The following APBB2 variants were observed in gnomAD, a reference collection of about 807,000 sequenced individuals.
APBB2 encodes Fe65-like 1.
In APBB2, 38 loss-of-function variants were observed where a neutral mutation model predicts 82.5. The ratio of observed to expected loss-of-function variants is 0.46; its 90% CI spans 0.36 to 0.60. APBB2 has a LOEUF of 0.60. Ranked by LOEUF, APBB2 falls within the 20% of genes least tolerant of loss-of-function variation. APBB2 has a pLI of 0.00. For missense variants in APBB2, 772 were observed against 972.3 expected (o/e 0.79, Z 2.74); for synonymous variants, 341 against 368.2 (o/e 0.93, Z 0.85).
chr4:41,002,838 T>C (rs1306588456), intron 6 of APBB2, among the ~76,000 whole-genome samples: 3 of 152,242 alleles, frequency 2.0e-5, no homozygotes, highest in Admixed American at 2.0e-4. Context: ...TATGGCATCA[T>C]ATTGCCTTTG....
chr4:41,149,854 A>C (rs1345729576), intron 1 of APBB2, among the ~76,000 whole-genome samples: 1 of 151,742 alleles, frequency 6.6e-6, no homozygotes, highest in East Asian at 1.9e-4. Context: ...ATAAAGAGCA[A>C]TTCCCCTGCA....
chr4:40,988,642 A>G (rs1243386191), intron 6 of APBB2, among the ~76,000 whole-genome samples: 1 of 87,148 alleles, frequency 1.1e-5, no homozygotes, highest in Non-Finnish European at 2.2e-5. Context: ...CGTCTCAAAA[A>G]AAAAAAAAAA....
At chr4:41,103,479 T>C (rs1460691166) in intron 2 of APBB2, among the ~76,000 whole-genome samples, 1 of 152,186 alleles carries the variant, frequency 6.6e-6, no homozygotes, top group Non-Finnish European at 1.5e-5. Flanking sequence ...CTCTTATAAA[T>C]AATTTTTAAA....
intron 12 of APBB2, among the ~76,000 whole-genome samples, chr4:40,873,071 G>C (rs2154341637): frequency 7.0e-6 from 1 of 143,206 alleles, no homozygotes; most frequent in African/African-American, 2.6e-5. Context: ...CTGGGCGACA[G>C]AGTGAGACTC....
intron 6 of APBB2, among the ~76,000 whole-genome samples, chr4:40,960,793 A>G (rs1041258796): frequency 6.6e-6 from 1 of 152,052 alleles, no homozygotes; most frequent in Non-Finnish European, 1.5e-5. Flanking sequence ...GTTCATCAAC[A>G]GCCAGTCTTT....
intron 6 of APBB2, among the ~76,000 whole-genome samples, chr4:40,945,304 C>A (rs979721584): frequency 6.6e-6 from 1 of 152,152 alleles, no homozygotes; most frequent in Non-Finnish European, 1.5e-5. Flanking sequence ...CACCTGAGAA[C>A]AGGGACACAA....
At chr4:40,968,108 C>T (rs2154396914) in intron 6 of APBB2, among the ~76,000 whole-genome samples, 1 of 152,344 alleles carries the variant, frequency 6.6e-6, no homozygotes, top group Non-Finnish European at 1.5e-5. Flanking sequence ...GTTCTAAGCA[C>T]TTACTGTGTA....
intron 17 of APBB2, among the ~76,000 whole-genome samples, chr4:40,816,885 A>G (rs1474823767): frequency 1.3e-5 from 2 of 152,258 alleles, no homozygotes; most frequent in Non-Finnish European, 2.9e-5. Context: ...TTAATTAAAA[A>G]GATGAGGTAT....
At chr4:41,085,782 T>C (rs959311928) in intron 3 of APBB2, among the ~76,000 whole-genome samples, 2 of 152,090 alleles carry the variant, frequency 1.3e-5, no homozygotes, top group Non-Finnish European at 2.9e-5. Flanking sequence ...GCCTTTTTCA[T>C]TGCCAAACTA....
intron 1 of APBB2, among the ~76,000 whole-genome samples, chr4:41,198,319 A>G: frequency 6.6e-6 from 1 of 152,232 alleles, no homozygotes; most frequent in African/African-American, 2.4e-5. Flanking sequence ...GCCTGGGCCA[A>G]CATGTACACT....
rs1491163453 is a variant in APBB2, at chr4:41,159,964, A to AAGG, written c.-416-16823_-416-16822insCCT. ...GGAGGAGAAGGAGAAGGAGAAGGAG[A>AAGG]AGAAGAAGAAGAAGAAGAAGAAGAA... On this transcript the variant is annotated intron_variant, in intron 1 of 17. Coordinates refer to ENST00000508593, the MANE Select transcript of APBB2 (RefSeq NM_004307.2). 3.9e-3 allele frequency among the ~76,000 whole-genome samples: 230 copies of AAGG among 58,418 alleles called. 2 individuals are homozygous for AAGG. The highest frequency in any genetic ancestry group is 9.8e-3 in the African/African-American group (127 of 12,922). The allele number at this position is 58,418 out of a possible 152,430, so 38.3% of individuals were successfully genotyped here.
intron 4 of APBB2, among the ~76,000 whole-genome samples, chr4:41,060,995 G>A (rs1729615685): frequency 6.6e-6 from 1 of 152,104 alleles, no homozygotes; most frequent in African/African-American, 2.4e-5. Context: ...CAAATACCAG[G>A]GTGACCTTTT....
Position 40,861,125 on chromosome 4 carries a change from C to T in APBB2, c.1529+29239G>A, listed in dbSNP as rs182096050. The stretch of plus-strand genomic sequence containing the variant: ...CAGCATTTTGGGAGGCCGAGGTGGG[C>T]GGATCACTTGAGGCCAGGAGTTCGA... On this transcript the variant is annotated intron_variant, in intron 12 of 17. Transcript: ENST00000508593. Among the ~76,000 whole-genome samples the T allele has an allele frequency of 3.2e-3, 483 of 151,654 alleles. 8 individuals are homozygous for T. Among genetic ancestry groups the T allele is most frequent in the Admixed American group, 0.022 (329 of 15,226 alleles).
intron 4 of APBB2, among the ~76,000 whole-genome samples, chr4:41,049,177 G>C (rs1295947773): frequency 4.0e-5 from 6 of 149,826 alleles, no homozygotes; most frequent in African/African-American, 1.5e-4. Context: ...TCTGAGATGT[G>C]GGGAGCGCCT....
At chr4:40,950,269 A>G (rs13130553) in intron 6 of APBB2, among the ~76,000 whole-genome samples, 26,685 of 152,224 alleles carry the variant, frequency 0.18, 2,589 homozygotes, top group Non-Finnish European at 0.22. Flanking sequence ...ATCATTTTAG[A>G]AAAGAAAATA....
chr4:40,961,667 T>TAAAAAAAAAAAAAAA (rs60942744), intron 6 of APBB2, among the ~76,000 whole-genome samples: 2 of 68,248 alleles, frequency 2.9e-5, no homozygotes, highest in Non-Finnish European at 5.1e-5. Context: ...AAAAAAGATG[T>TAAAAAAAAAAAAAAA]AAAAAAAAAA....
intron 4 of APBB2, among the ~76,000 whole-genome samples, chr4:41,061,590 T>G (rs1316944363): frequency 6.6e-6 from 1 of 152,254 alleles, no homozygotes; most frequent in Non-Finnish European, 1.5e-5. Flanking sequence ...ATGGGACTAC[T>G]GTTGTACATG....
At chr4:41,034,450 G>A (rs1459903877) in intron 4 of APBB2, among the ~76,000 whole-genome samples, 8 of 152,072 alleles carry the variant, frequency 5.3e-5, no homozygotes, top group Non-Finnish European at 7.4e-5. Context: ...TCAGCCTCCC[G>A]AGTAGTTGGG....
chr4:41,040,152 A>G (rs1720795444), intron 4 of APBB2, among the ~76,000 whole-genome samples: 1 of 152,126 alleles, frequency 6.6e-6, no homozygotes, highest in Non-Finnish European at 1.5e-5. Context: ...CCTGCCAAGC[A>G]GAGGAAGGGC....
Sources: allele counts gnomAD v4.1 joint callset (sites outside exome capture counted in the v4.1 genomes callset), GRCh38; gene constraint gnomAD v4.1.1; transcripts MANE v1.5; gene names NCBI Gene and HGNC (gene_info 2026-07-23, HGNC 2026-07-21).